TAB2: variants seen among roughly 807,000 people sequenced by gnomAD.
TAB2 encodes TGF-beta-activated kinase 1 and MAP3K7-binding protein 2.
In TAB2, 3 loss-of-function variants were observed where a neutral mutation model predicts 65.0. That is an observed-to-expected ratio of 0.05 (90% CI 0.02 to 0.12). The LOEUF is 0.12. TAB2 is among the 10% of genes least tolerant of loss of function. The pLI is 1.00. For synonymous variants in TAB2, 298 were observed against 285.1 expected, an observed-to-expected ratio of 1.05 and a Z score of -0.46; for missense variants, 623 against 840.3, an observed-to-expected ratio of 0.74 and a Z score of 3.20.
chr6:149,365,551 A>G (rs1781013471), intron 1 of TAB2, among the ~76,000 whole-genome samples: 1 of 150,802 alleles, frequency 6.6e-6, no homozygotes, highest in Admixed American at 6.6e-5. Context: ...TGTTTTCAAG[A>G]TTTTCTTTTT....
At chr6:149,362,477 C>CA (rs1404200365) in intron 1 of TAB2, among the ~76,000 whole-genome samples, 5 of 152,146 alleles carry the variant, frequency 3.3e-5, no homozygotes, top group Admixed American at 6.5e-5. Flanking sequence ...GGGGATGGCA[C>CA]TAAACCACTT....
intron 1 of TAB2, among the ~76,000 whole-genome samples, chr6:149,275,288 G>T (rs943864231): frequency 1.4e-5 from 2 of 142,364 alleles, no homozygotes; most frequent in African/African-American, 2.6e-5. Context: ...AAGAAAGAAA[G>T]AAAGAAAGAA....
intron 3 of TAB2, among the ~76,000 whole-genome samples, chr6:149,388,253 G>A (rs2114916260): frequency 6.6e-6 from 1 of 152,278 alleles, no homozygotes; most frequent in South Asian, 2.1e-4. Flanking sequence ...CCATGACCAA[G>A]GAAACATAGT....
At chr6:149,232,376 C>A (rs1225127541) in intron 1 of TAB2, among the ~76,000 whole-genome samples, 1 of 152,272 alleles carries the variant, frequency 6.6e-6, no homozygotes, top group South Asian at 2.1e-4. Flanking sequence ...TACAGGCACA[C>A]AACACCACGC....
intron 1 of TAB2, among the ~76,000 whole-genome samples, chr6:149,282,225 C>A (rs1183223387): frequency 4.6e-5 from 7 of 151,984 alleles, no homozygotes; most frequent in Non-Finnish European, 7.4e-5. Flanking sequence ...ACATAACAAT[C>A]CTAAATGTCT....
intron 1 of TAB2, among the ~76,000 whole-genome samples, chr6:149,310,792 T>C (rs1583078045): frequency 6.6e-6 from 1 of 152,256 alleles, no homozygotes; most frequent in African/African-American, 2.4e-5. Context: ...TACTTCACCG[T>C]TTTTGTTAAT....
Position 149,368,501 on chromosome 6 carries a change from A to G in TAB2, c.-89-1408A>G, listed in dbSNP as rs186271123. ...AAGAGGGAGAAATGAGCTGATAGAG[A>G]GGAGTCAAGGAAGGCTTCCTTAAAA... On this transcript the variant is annotated intron_variant, in intron 1 of 6. Transcript: ENST00000637181. Among the ~76,000 whole-genome samples the G allele has an allele frequency of 2.2e-4, 33 of 152,244 alleles. 1 individual carries two copies. The highest frequency in any genetic ancestry group is 2.2e-3 in the Admixed American group (33 of 15,280).
chr6:149,343,448 A>C (rs1475401707), intron 1 of TAB2, among the ~76,000 whole-genome samples: 2 of 150,606 alleles, frequency 1.3e-5, no homozygotes, highest in African/African-American at 4.9e-5. Context: ...CTCCAGCCTG[A>C]GCAACAGAGT....
In TAB2 at chr6:149,411,307, A is replaced by G. The variant is rs536801975; in HGVS notation, c.*1588A>G. The G allele has an allele frequency of 6.6e-6, 1 of 152,474 alleles. No homozygotes were observed. The highest frequency in any genetic ancestry group is 1.5e-5 in the Non-Finnish European group (1 of 68,022). The allele number at this position is 152,474 out of a possible 1,614,324, so 9.4% of individuals were successfully genotyped here. ...AATGGGATTATTACAGTTGATCTCT[A>G]TGAATGTCAGAGCCCTAACTTTCAG... On this transcript the variant is annotated 3_prime_UTR_variant, in exon 7 of 7. Transcript: ENST00000637181.
chr6:149,275,286 A>AAGAAAGAAAGAAAGAAAGAAAGAAAGAT (rs1554255842), intron 1 of TAB2, among the ~76,000 whole-genome samples: 9 of 146,738 alleles, frequency 6.1e-5, no homozygotes, highest in African/African-American at 2.2e-4. Context: ...GAAAGAAAGA[A>AAGAAAGAAAGAAAGAAAGAAAGAAAGAT]AGAAAGAAAG....
At chr6:149,342,090 A>AG (rs1440036047) in intron 1 of TAB2, among the ~76,000 whole-genome samples, 1 of 152,088 alleles carries the variant, frequency 6.6e-6, no homozygotes, top group Non-Finnish European at 1.5e-5. Context: ...ATGGAAAAAA[A>AG]GATTTTCCAG....
chr6:149,358,640 C>G (rs887364774), intron 1 of TAB2, among the ~76,000 whole-genome samples: 13 of 121,748 alleles, frequency 1.1e-4, no homozygotes, highest in Non-Finnish European at 1.9e-4. Flanking sequence ...CTTCAGAACT[C>G]TGTGTGTGTG....
intron 1 of TAB2, chr6:149,247,840 A>G (rs928626884): frequency 2.6e-5 from 4 of 152,224 alleles, no homozygotes; most frequent in African/African-American, 9.6e-5. Flanking sequence ...CTTTCCCCTG[A>G]ATTTTAAGAA....
At position 149,260,023 on chromosome 6, in the gene TAB2, C is replaced by A. The variant is rs188307422; in HGVS notation, c.-121+41247C>A. Among the ~76,000 whole-genome samples the A allele has an allele frequency of 1.2e-4, 19 of 152,276 alleles. No individual in the cohort carries two copies. In the East Asian group the frequency reaches 3.3e-3, roughly 26 times the overall value. Reference sequence around the variant, plus strand: ...CCCTGACTTTTGCCTCATTATCTGCCCTCTTTCTCAATCATCCCCAAGAGG... The same window carrying A: ...CCCTGACTTTTGCCTCATTATCTGCACTCTTTCTCAATCATCCCCAAGAGG... On this transcript the variant is annotated intron_variant, in intron 1 of 1. Transcript: ENST00000606202.
intron 1 of TAB2, among the ~76,000 whole-genome samples, chr6:149,302,849 G>A (rs1422868773): frequency 6.6e-6 from 1 of 152,218 alleles, no homozygotes; most frequent in Non-Finnish European, 1.5e-5. Context: ...TCTGGAGGCT[G>A]TTAGGAACTG....
At chr6:149,357,416 A>G (rs1780689563) in intron 1 of TAB2, among the ~76,000 whole-genome samples, 1 of 124,942 alleles carries the variant, frequency 8.0e-6, no homozygotes, top group Non-Finnish European at 1.6e-5. Context: ...ACTCCGTCTC[A>G]AGGAGAAAAA....
In TAB2 at chr6:149,317,794, C is replaced by T. The variant is rs1351726604; in HGVS notation, c.-311C>T. 3.7e-5 allele frequency: 6 copies of T among 163,198 alleles called. No individual in the cohort carries two copies. Among genetic ancestry groups the T allele is most frequent in the Non-Finnish European group, 6.5e-5 (5 of 76,408 alleles). 10.1% of individuals were successfully genotyped at this position (163,198 alleles called of 1,614,324 possible). On this transcript the variant is annotated 5_prime_UTR_variant, in exon 1 of 7. Transcript: ENST00000637181. This position sits in a 1 kb window ranked among gnomAD's most constrained non-coding sequence, Gnocchi z 4.7. ...CCCCCTCAGCCAGGAGCGGTGGCGG[C>T]GGCGGCGGCCGGAGGGAGTTGGCGG... is the stretch of plus-strand genomic sequence containing the variant.
chr6:149,378,185 T>G lies in TAB2; in HGVS notation c.270T>G (p.His90Gln), dbSNP rs1205666091. 1.2e-6 allele frequency: 2 copies of G among 1,614,002 alleles called. No individual in the cohort carries two copies. Among genetic ancestry groups the G allele is most frequent in the Non-Finnish European group, 1.7e-6 (2 of 1,180,020 alleles). The change falls in exon 3 of 7, where the codon CAT becomes CAG. Residue 90 changes from histidine (H) to glutamine (Q), a missense_variant. Coordinates refer to ENST00000637181, the MANE Select transcript of TAB2 (RefSeq NM_001292034.3). Reference sequence around the variant, plus strand: ...TGCAATCACAGAACATTTACCACCATGGAAGAGAAGGAAGTAGGATGAATG... The same window carrying G: ...TGCAATCACAGAACATTTACCACCAGGGAAGAGAAGGAAGTAGGATGAATG... The part of the protein sequence containing the change: ...LDLQSQNIYH[H>Q]GREGSRMNGS...
In TAB2 at chr6:149,278,951, T is replaced by C. The variant is rs376861153; in HGVS notation, c.-121+60175T>C. 9.6e-4 allele frequency among the ~76,000 whole-genome samples: 146 copies of C among 152,208 alleles called. 6 individuals carry two copies. In the South Asian group the frequency reaches 0.029, roughly 30 times the overall value. On this transcript the variant is annotated intron_variant, in intron 1 of 1. Coordinates refer to the TAB2 transcript ENST00000606202. Reference sequence around the variant, plus strand: ...AAAGAATGAAAGAAGGAACAAATGATAAAAGAAGAAATAAAGTTTCCGTGG... The same window carrying C: ...AAAGAATGAAAGAAGGAACAAATGACAAAAGAAGAAATAAAGTTTCCGTGG...
Sources: allele counts gnomAD v4.1 joint callset (sites outside exome capture counted in the v4.1 genomes callset), GRCh38; gene constraint gnomAD v4.1.1; non-coding constraint Gnocchi (gnomAD v3.1); transcripts MANE v1.5; gene names NCBI Gene and HGNC (gene_info 2026-07-23, HGNC 2026-07-21).